Variants in PTPRA observed in about 807,000 individuals in gnomAD.
PTPRA encodes the protein protein tyrosine phosphatase receptor type A.
A neutral mutation model predicts 104.8 loss-of-function variants in PTPRA; 25 were observed. The observed-to-expected ratio is 0.24, with a 90% CI of 0.17 to 0.33. The LOEUF (loss-of-function observed/expected upper bound fraction) is 0.33, where lower values mean the gene tolerates loss of function less well. Ranked by LOEUF, PTPRA falls within the 10% of genes least tolerant of loss-of-function variation. The pLI is 1.00. For synonymous variants in PTPRA, 323 were observed against 368.9 expected (o/e 0.88, Z 1.43); for missense variants, 765 against 1,015.3 (o/e 0.75, Z 3.35).
intron 1 of PTPRA, among the ~76,000 whole-genome samples, chr20:2,904,016 C>T (rs961355707): frequency 2.0e-5 from 3 of 151,954 alleles, no homozygotes; most frequent in Non-Finnish European, 4.4e-5. Context: ...GCAGTCCTCC[C>T]GCCTCAGTCT....
chr20:2,988,534 C>T, intron 9 of PTPRA, 60 bp downstream of exon 9: 1 of 1,568,876 alleles, frequency 6.4e-7, no homozygotes, highest in Non-Finnish European at 8.6e-7. Flanking sequence ...AAAGTCAGAC[C>T]TTTCAGATCT....
intron 2 of PTPRA, among the ~76,000 whole-genome samples, chr20:2,929,833 GA>G (rs113188088): frequency 7.9e-5 from 12 of 151,522 alleles, no homozygotes; most frequent in Admixed American, 7.2e-4. Context: ...TCAAAGAAAG[GA>G]AAAAAAAATT....
At chr20:2,995,294 C>G (rs1430964657) in intron 9 of PTPRA, among the ~76,000 whole-genome samples, 1 of 151,998 alleles carries the variant, frequency 6.6e-6, no homozygotes, top group Non-Finnish European at 1.5e-5. Flanking sequence ...TTTTTTTCCC[C>G]CGCTGTAGAG....
At chr20:2,893,784 A>G (rs889290889) in intron 1 of PTPRA, among the ~76,000 whole-genome samples, 7 of 152,146 alleles carry the variant, frequency 4.6e-5, no homozygotes, top group South Asian at 4.1e-4. Context: ...ATGTAAAAGC[A>G]TGGTACACAC....
chr20:2,917,064 TCTC>T (rs1330443252), intron 1 of PTPRA, among the ~76,000 whole-genome samples: 2 of 150,782 alleles, frequency 1.3e-5, no homozygotes, highest in African/African-American at 2.4e-5. Context: ...TTCAAGCAAT[TCTC>T]CTGCCTCAGC....
At chr20:2,889,047 G>A (rs2058700484) in intron 1 of PTPRA, among the ~76,000 whole-genome samples, 1 of 152,202 alleles carries the variant, frequency 6.6e-6, no homozygotes, top group African/African-American at 2.4e-5. Flanking sequence ...CTTTTGTTGA[G>A]CAAGTAGTGG....
chr20:2,898,984 T>C (rs2059126341), intron 1 of PTPRA, among the ~76,000 whole-genome samples: 1 of 152,272 alleles, frequency 6.6e-6, no homozygotes, highest in Non-Finnish European at 1.5e-5. Context: ...TGTGCACTAC[T>C]AGATATGTTC....
At position 3,035,021 on chromosome 20, in the gene PTPRA, A is replaced by T. The variant is rs1361894455; in HGVS notation, c.1921-564A>T. On this transcript the variant is annotated intron_variant, in intron 20 of 23. Transcript: ENST00000399903. This position sits in a 1 kb window ranked among gnomAD's most constrained non-coding sequence, Gnocchi z 5.8. ...CACTCCCACAAGGAGCTGTAGAGGG[A>T]AGTGAGCCAGGTGCAAGCAAAGACA... is the stretch of plus-strand genomic sequence containing the variant. Among the ~76,000 whole-genome samples, 5 of 152,200 alleles carry T rather than the reference A, an allele frequency of 3.3e-5. No individual in the cohort carries two copies. Among genetic ancestry groups the T allele is most frequent in the Non-Finnish European group, 1.5e-5 (1 of 68,028 alleles).
chr20:2,963,810 A>C (rs928220627), intron 3 of PTPRA, among the ~76,000 whole-genome samples: 1 of 152,122 alleles, frequency 6.6e-6, no homozygotes, highest in Non-Finnish European at 1.5e-5. Context: ...AAGTTGAAGC[A>C]AGAGGATCAG....
intron 3 of PTPRA, among the ~76,000 whole-genome samples, chr20:2,962,175 T>C (rs1045350222): frequency 3.9e-5 from 6 of 152,230 alleles, no homozygotes; most frequent in Non-Finnish European, 8.8e-5. Flanking sequence ...ATAGGCTTAT[T>C]TGGGAATAAC....
chr20:2,949,320 T>C (rs949698454), intron 3 of PTPRA, among the ~76,000 whole-genome samples: 12 of 151,892 alleles, frequency 7.9e-5, no homozygotes, highest in African/African-American at 2.7e-4. Context: ...TTTTTTTTTT[T>C]TAATTTTTTT....
intron 6 of PTPRA, among the ~76,000 whole-genome samples, chr20:2,978,508 C>G (rs1296691416): frequency 1.3e-5 from 2 of 152,148 alleles, no homozygotes; most frequent in African/African-American, 4.8e-5. Flanking sequence ...TTGTAGTTGA[C>G]CAGTGTGTGT....
chr20:2,864,747 T>C, the PTPRA span: 1 of 1,357,960 alleles, frequency 7.4e-7, no homozygotes, highest in Non-Finnish European at 1.0e-6. This position sits in a 1 kb window ranked among gnomAD's most constrained non-coding sequence, Gnocchi z 5.2. Context: ...TCGTGTTGGG[T>C]GCACACTCCA....
intron 1 of PTPRA, among the ~76,000 whole-genome samples, chr20:2,885,718 A>G (rs1479880197): frequency 2.6e-5 from 4 of 152,162 alleles, no homozygotes; most frequent in South Asian, 2.1e-4. Context: ...AAATGAACCC[A>G]TTTACTTCAA....
Position 3,015,412 on chromosome 20 carries a change from A to G in PTPRA, c.907-437A>G, listed in dbSNP as rs149435346. Among the ~76,000 whole-genome samples the G allele has an allele frequency of 6.5e-3, 977 of 151,216 alleles. 4 individuals carry two copies. The highest frequency in any genetic ancestry group is 9.9e-3 in the Non-Finnish European group (669 of 67,844). ...AACCTCCACCTCCCAGGTTCAAGCA[A>G]TTCTCTTGCCTTAGCCACCCTAGTA... On this transcript the variant is annotated intron_variant, in intron 11 of 23. Transcript: ENST00000399903.
At chr20:3,026,432 C>T (rs2065150220) in intron 17 of PTPRA, among the ~76,000 whole-genome samples, 2 of 152,098 alleles carry the variant, frequency 1.3e-5, no homozygotes, top group African/African-American at 4.8e-5. Flanking sequence ...TGCTGGAATC[C>T]CTTGCTCCAG....
At chr20:2,867,391 C>T in the PTPRA span, among the ~76,000 whole-genome samples, 4 of 152,314 alleles carry the variant, frequency 2.6e-5, no homozygotes, top group African/African-American at 9.6e-5. Context: ...TGGAAGATTT[C>T]AATTCTGCCA....
chr20:3,024,752 C>A, intron 17 of PTPRA, 131 bp downstream of exon 17: 1 of 1,116,452 alleles, frequency 9.0e-7, no homozygotes, highest in Non-Finnish European at 1.3e-6. Flanking sequence ...GGAGATGGTC[C>A]TTTCCTCGTA....
Position 3,022,546 on chromosome 20 carries a change from G to C in PTPRA, c.1329-143G>C. 1 of 1,180,740 alleles carries C rather than the reference G, an allele frequency of 8.5e-7. No individual in the cohort carries two copies. Among genetic ancestry groups the C allele is most frequent in the Non-Finnish European group, 1.2e-6 (1 of 847,894 alleles). 73.1% of individuals were successfully genotyped at this position (1,180,740 alleles called of 1,614,324 possible). On this transcript the variant is annotated intron_variant, in intron 15 of 23. Transcript: ENST00000399903. This position sits in a 1 kb window ranked among gnomAD's most constrained non-coding sequence, Gnocchi z 4.6. ...GGATTCAGGACATACTGGAGTTGTT[G>C]GCTCCTGGAGAGCCCCAGCTCTACC... is the stretch of plus-strand genomic sequence containing the variant.
Sources: gnomAD v4.1 joint callset for allele counts (sites outside exome capture counted in the v4.1 genomes callset) on GRCh38, gnomAD v4.1.1 for gene constraint, Gnocchi (gnomAD v3.1) non-coding constraint, MANE v1.5 for transcripts, NCBI Gene and HGNC (gene_info 2026-07-23, HGNC 2026-07-21) for gene names.